OGDH: variants seen among roughly 807,000 people sequenced by gnomAD.
OGDH encodes oxoglutarate dehydrogenase.
A neutral mutation model predicts 116.6 loss-of-function variants in OGDH; 38 were observed. That is an observed-to-expected ratio of 0.33 (90% CI 0.25 to 0.43). The LOEUF is 0.43. OGDH is among the 20% of genes least tolerant of loss of function. The pLI is 1.00. For missense variants in OGDH, 825 were observed against 1,357.2 expected, an observed-to-expected ratio of 0.61 and a Z score of 6.16; for synonymous variants, 488 against 533.3, an observed-to-expected ratio of 0.92 and a Z score of 1.17.
chr7:44,647,274 T>C (rs778239683), intron 3 of OGDH, among the ~76,000 whole-genome samples: 9 of 152,266 alleles, frequency 5.9e-5, no homozygotes, highest in Non-Finnish European at 1.2e-4. Flanking sequence ...TTATGCACAA[T>C]AGTGCTTTTA....
At chr7:44,626,528 T>C (rs1203851670) in intron 2 of OGDH, among the ~76,000 whole-genome samples, 1 of 152,150 alleles carries the variant, frequency 6.6e-6, no homozygotes, top group Non-Finnish European at 1.5e-5. Context: ...AGTCAGTAGC[T>C]CCTAAATGAC....
chr7:44,647,934 C>T (rs1786264520), intron 4 of OGDH, among the ~76,000 whole-genome samples, 175 bp downstream of exon 4: 1 of 152,200 alleles, frequency 6.6e-6, no homozygotes, highest in African/African-American at 2.4e-5. Flanking sequence ...TTATTTTTAT[C>T]TTACTTTTTC....
At chr7:44,684,750 GATGTCTAA>G (rs1044191073) in intron 10 of OGDH, among the ~76,000 whole-genome samples, 18 of 151,422 alleles carry the variant, frequency 1.2e-4, no homozygotes, top group African/African-American at 4.4e-4. Context: ...AGGGAACAGA[GATGTCTAA>G]AAAAAACCAA....
chr7:44,657,377 A>C (rs1459550210), intron 4 of OGDH, among the ~76,000 whole-genome samples: 3 of 152,216 alleles, frequency 2.0e-5, no homozygotes, highest in African/African-American at 4.8e-5. Context: ...GGCATTTTTC[A>C]ATCAGCATAA....
chr7:44,632,985 G>T (rs1785507980), intron 2 of OGDH, among the ~76,000 whole-genome samples: 2 of 151,896 alleles, frequency 1.3e-5, no homozygotes, highest in African/African-American at 2.4e-5. Flanking sequence ...CAGGCACAGT[G>T]GCTCACGCCT....
At position 44,703,321 on chromosome 7, in the gene OGDH, T is replaced by C. The variant is rs1256585611; in HGVS notation, c.2632+1706T>C. Among the ~76,000 whole-genome samples the C allele has an allele frequency of 3.3e-5, 5 of 152,030 alleles. No individual in the cohort carries two copies. In the East Asian group the frequency reaches 9.6e-4, roughly 29 times the overall value. On this transcript the variant is annotated intron_variant, in intron 20 of 22. Transcript: ENST00000222673. Reference sequence around the variant, plus strand: ...TACTCTGGAGGCTAAGGCAGGAGAATTGCTTGAACCCGGGAGGCAGAGGTT... The same window carrying C: ...TACTCTGGAGGCTAAGGCAGGAGAACTGCTTGAACCCGGGAGGCAGAGGTT...
intron 1 of OGDH, among the ~76,000 whole-genome samples, chr7:44,616,004 G>A (rs1784751486): frequency 6.6e-6 from 1 of 151,608 alleles, no homozygotes; most frequent in Admixed American, 6.6e-5. Context: ...ACTCCAGCCT[G>A]GGCAACAGAG....
At chr7:44,662,957 T>C (rs1189860405) in intron 4 of OGDH, among the ~76,000 whole-genome samples, 1 of 152,234 alleles carries the variant, frequency 6.6e-6, no homozygotes, top group Non-Finnish European at 1.5e-5. Flanking sequence ...ACTCAGCTTC[T>C]TGAATCTTTG....
At position 44,656,299 on chromosome 7, in the gene OGDH, A is replaced by T. The variant is rs1786687862; in HGVS notation, c.517+8540A>T. The T allele has an allele frequency of 3.3e-6, 5 of 1,535,592 alleles. 1 individual carries two copies. The South Asian group carries it at 6.0e-5, about 18-fold the overall frequency. Reference sequence around the variant, plus strand: ...TTTTCCTTCTGCGCTCACCCATGATACCCCACTCTGCCTCTCAGATCTTGC... The same window carrying T: ...TTTTCCTTCTGCGCTCACCCATGATTCCCCACTCTGCCTCTCAGATCTTGC... On this transcript the variant is annotated intron_variant, in intron 4 of 22. Transcript: ENST00000222673.
intron 3 of OGDH, among the ~76,000 whole-genome samples, chr7:44,645,958 A>G (rs1389631154): frequency 6.6e-6 from 1 of 152,126 alleles, no homozygotes; most frequent in Non-Finnish European, 1.5e-5. Flanking sequence ...GAGTTTGGGG[A>G]TGTGGAGGCA....
At chr7:44,641,227 T>C (rs9691464) in intron 2 of OGDH, among the ~76,000 whole-genome samples, 2,090 of 104,446 alleles carry the variant, frequency 0.02, 49 homozygotes, top group African/African-American at 0.12. Flanking sequence ...TTTTTTTTCT[T>C]TTTTTTTTTT....
At chr7:44,687,592 T>G (rs1002927824) in intron 10 of OGDH, among the ~76,000 whole-genome samples, 25 of 151,402 alleles carry the variant, frequency 1.7e-4, no homozygotes, top group Admixed American at 7.3e-4. Flanking sequence ...ATTTTTATGG[T>G]TTTTTTTGTA....
intron 9 of OGDH, among the ~76,000 whole-genome samples, chr7:44,679,659 T>A (rs1423940011): frequency 6.6e-6 from 1 of 152,146 alleles, no homozygotes; most frequent in Non-Finnish European, 1.5e-5. Flanking sequence ...TAAACACCCA[T>A]CTAGATGGCA....
chr7:44,620,270 C>T (rs569067875), intron 1 of OGDH, among the ~76,000 whole-genome samples: 11 of 152,384 alleles, frequency 7.2e-5, no homozygotes, highest in Admixed American at 2.6e-4. Flanking sequence ...ATCCGCCTGC[C>T]TCAGCCTCCT....
intron 10 of OGDH, among the ~76,000 whole-genome samples, chr7:44,683,176 AAAAG>A (rs1490327150): frequency 2.0e-5 from 3 of 152,158 alleles, no homozygotes; most frequent in African/African-American, 4.8e-5. Context: ...AAATAAATAA[AAAAG>A]AAAAAAATAG....
chr7:44,657,246 T>C (rs931659822), intron 4 of OGDH, among the ~76,000 whole-genome samples: 2 of 152,136 alleles, frequency 1.3e-5, no homozygotes, highest in Admixed American at 1.3e-4. Flanking sequence ...CATATCTACT[T>C]CCCTCCCATC....
chr7:44,664,735 G>C (rs926028261), intron 4 of OGDH, among the ~76,000 whole-genome samples: 3 of 152,138 alleles, frequency 2.0e-5, no homozygotes, highest in African/African-American at 7.2e-5. Context: ...TGGGGGAATA[G>C]GGAAGAATAT....
At chr7:44,702,296 AGAG>A (rs1788868208) in intron 20 of OGDH, among the ~76,000 whole-genome samples, 1 of 152,260 alleles carries the variant, frequency 6.6e-6, no homozygotes, top group African/African-American at 2.4e-5. Flanking sequence ...CCACTGGCTC[AGAG>A]GCCCAGCCCC....
At chr7:44,631,801 T>C (rs984897493) in intron 2 of OGDH, among the ~76,000 whole-genome samples, 3 of 152,152 alleles carry the variant, frequency 2.0e-5, no homozygotes, top group African/African-American at 7.2e-5. Flanking sequence ...ATTCTAGCTC[T>C]CTTTTCTCTC....
Sources: allele counts gnomAD v4.1 joint callset (sites outside exome capture counted in the v4.1 genomes callset), GRCh38; gene constraint gnomAD v4.1.1; transcripts MANE v1.5; gene names NCBI Gene and HGNC (gene_info 2026-07-23, HGNC 2026-07-21).